The following CLEC16A variants were observed in gnomAD, a reference collection of about 807,000 sequenced individuals.
CLEC16A encodes protein CLEC16A.
A neutral mutation model predicts 109.5 loss-of-function variants in CLEC16A; 51 were observed. The ratio of observed to expected loss-of-function variants is 0.47; its 90% CI spans 0.37 to 0.59. The LOEUF is 0.59. Among genes scored for constraint, CLEC16A ranks in the 20% least tolerant of loss-of-function variants. CLEC16A has a pLI of 0.00. For missense variants in CLEC16A, 1,339 were observed against 1,394.0 expected (o/e 0.96, Z 0.63); for synonymous variants, 673 against 564.2 (o/e 1.19, Z -2.73).
chr16:11,166,596 C>A, intron 23 of CLEC16A, 44 bp downstream of exon 23: 3 of 1,511,240 alleles, frequency 2.0e-6, no homozygotes, highest in Non-Finnish European at 2.7e-6. Context: ...TTTGGAGAAC[C>A]CCGTGATCCC....
At chr16:11,080,842 C>A (rs1181405959) in intron 19 of CLEC16A, among the ~76,000 whole-genome samples, 1 of 152,208 alleles carries the variant, frequency 6.6e-6, no homozygotes, top group Non-Finnish European at 1.5e-5. Context: ...TTAGATTGGG[C>A]CTGTCCAGGT....
At chr16:11,177,780 TGAG>T (rs976442784) in intron 23 of CLEC16A, among the ~76,000 whole-genome samples, 219 of 151,424 alleles carry the variant, frequency 1.4e-3, no homozygotes, top group African/African-American at 5.2e-3. Flanking sequence ...CTCAGCACTT[TGAG>T]GAGGAGGAGG....
At chr16:11,065,063 T>A (rs1400358256) in intron 19 of CLEC16A, among the ~76,000 whole-genome samples, 2 of 152,172 alleles carry the variant, frequency 1.3e-5, no homozygotes, top group East Asian at 3.8e-4. Flanking sequence ...AAGAAAGATA[T>A]AGCTCTGGCT....
Position 10,962,541 on chromosome 16 carries a change from A to C in CLEC16A, c.296A>C (p.Gln99Pro). 6.2e-7 allele frequency: 1 copy of C among 1,613,960 alleles called. No homozygotes were observed. Among genetic ancestry groups the C allele is most frequent in the Non-Finnish European group, 8.5e-7 (1 of 1,179,864 alleles). ...SGRYVCVQLL[Q>P]TLNILFENIS... ...CGTTACGTGTGCGTTCAGCTGCTGCAGACCTTGAACATCCTCTTTGAGAAC... is the reference window on the plus strand; with the variant it reads ...CGTTACGTGTGCGTTCAGCTGCTGCCGACCTTGAACATCCTCTTTGAGAAC... The change falls in exon 3 of 24, where the codon CAG becomes CCG. Residue 99 changes from glutamine (Q) to proline (P), a missense_variant. Physicochemically the swap from Gln to Pro is moderately conservative, Grantham distance 76 (BLOSUM62 -1). Coordinates refer to ENST00000409790, the MANE Select transcript of CLEC16A (RefSeq NM_015226.3).
rs201591686 is a variant in CLEC16A at position 11,166,497 on chromosome 16, C to A, written c.2751C>A (p.Cys917Ter). 3 of 1,609,296 alleles carry A rather than the reference C, an allele frequency of 1.9e-6. No homozygotes were observed. Among genetic ancestry groups the A allele is most frequent in the Non-Finnish European group, 2.5e-6 (3 of 1,179,660 alleles). Residue 917 changes from cysteine (C) to a stop codon, truncating the protein, a stop_gained, in exon 23 of 24, where the codon TGC becomes TGA. Transcript: ENST00000409790. LOFTEE classifies it high-confidence loss of function. The part of the protein sequence containing the change: ...SPSGSGSTSH[C>*]DSGGTSSSST... ...GCGGCAGCGGGAGCACCAGCCACTGCGACTCTGGAGGCACCAGCTCGTCCT... is the reference window on the plus strand; with the variant it reads ...GCGGCAGCGGGAGCACCAGCCACTGAGACTCTGGAGGCACCAGCTCGTCCT...
At position 10,972,662 on chromosome 16, in the gene CLEC16A, C is replaced by T. The variant is rs919578578; in HGVS notation, c.604+103C>T. On this transcript the variant is annotated intron_variant, in intron 6 of 23. Coordinates refer to ENST00000409790, the MANE Select transcript of CLEC16A (RefSeq NM_015226.3). ...TCTCAGTGTAGTCTAGCTCAGTCTGCTACTGATAAGTAGGCTCTCCCATGC... is the reference window on the plus strand; with the variant it reads ...TCTCAGTGTAGTCTAGCTCAGTCTGTTACTGATAAGTAGGCTCTCCCATGC... 4 of 1,110,884 alleles carry T rather than the reference C, an allele frequency of 3.6e-6. No homozygotes were observed. The African/African-American group carries it at 6.2e-5, about 17-fold the overall frequency. The allele number at this position is 1,110,884 out of a possible 1,614,324, so 68.8% of individuals were successfully genotyped here. A position where few individuals can be genotyped will look rare whatever the true frequency, so the allele number is the denominator to read the frequency against.
chr16:11,138,934 G>A (rs2053695207), intron 22 of CLEC16A, among the ~76,000 whole-genome samples: 1 of 152,094 alleles, frequency 6.6e-6, no homozygotes, highest in African/African-American at 2.4e-5. Flanking sequence ...TAACCATGAA[G>A]TGAAAACAGA....
At chr16:11,136,432 G>A (rs1250682220) in intron 22 of CLEC16A, 2 of 152,140 alleles carry the variant, frequency 1.3e-5, no homozygotes, top group East Asian at 1.9e-4. Context: ...CATATAAAAC[G>A]TGCAGCAAAG....
chr16:10,957,284 C>A (rs1328542940), intron 1 of CLEC16A, among the ~76,000 whole-genome samples: 7 of 152,244 alleles, frequency 4.6e-5, no homozygotes, highest in African/African-American at 1.7e-4. Context: ...GGGACCCAGC[C>A]TTCCTAAGCT....
At chr16:11,012,838 C>T (rs1161067396) in intron 11 of CLEC16A, among the ~76,000 whole-genome samples, 1 of 152,122 alleles carries the variant, frequency 6.6e-6, no homozygotes, top group East Asian at 1.9e-4. Context: ...TATTGTCATG[C>T]ATTTGTATTA....
intron 11 of CLEC16A, among the ~76,000 whole-genome samples, chr16:11,013,381 C>A: frequency 6.6e-6 from 1 of 152,042 alleles, no homozygotes; most frequent in East Asian, 1.9e-4. Context: ...GTAATCCCAC[C>A]ACTTTGGGAG....
intron 2 of CLEC16A, among the ~76,000 whole-genome samples, chr16:10,960,454 A>G (rs1433973568): frequency 1.3e-5 from 2 of 152,214 alleles, no homozygotes; most frequent in Non-Finnish European, 1.5e-5. Flanking sequence ...GAAGAAAGCT[A>G]TAGGAGTAAA....
intron 22 of CLEC16A, among the ~76,000 whole-genome samples, chr16:11,130,656 A>T (rs1028271504): frequency 4.6e-5 from 7 of 152,214 alleles, no homozygotes; most frequent in African/African-American, 1.7e-4. Context: ...CACCATTGCC[A>T]TCAAGGGCCC....
chr16:11,040,154 A>G (rs534331916), intron 14 of CLEC16A: 48 of 391,268 alleles, frequency 1.2e-4, no homozygotes, highest in East Asian at 1.2e-3. Context: ...GAGATTGTCA[A>G]TGTTTTCGCC....
intron 1 of CLEC16A, among the ~76,000 whole-genome samples, chr16:10,952,503 A>G (rs1342741380): frequency 6.6e-6 from 1 of 152,236 alleles, no homozygotes; most frequent in Admixed American, 6.5e-5. Flanking sequence ...AGAAAATGAC[A>G]ACAACAACAA....
chr16:11,101,012 G>T (rs985198990), intron 19 of CLEC16A, among the ~76,000 whole-genome samples: 16 of 152,154 alleles, frequency 1.1e-4, no homozygotes, highest in Non-Finnish European at 2.9e-5. Context: ...TAGTACCTGG[G>T]ACTGTGCTTG....
At chr16:10,946,789 T>G (rs1349866368) in intron 1 of CLEC16A, among the ~76,000 whole-genome samples, 1 of 152,232 alleles carries the variant, frequency 6.6e-6, no homozygotes, top group Non-Finnish European at 1.5e-5. Context: ...TCCTCACAAG[T>G]CTGAGTTACA....
intron 19 of CLEC16A, among the ~76,000 whole-genome samples, chr16:11,112,392 G>T (rs1242539265): frequency 6.7e-6 from 1 of 150,118 alleles, no homozygotes; most frequent in Non-Finnish European, 1.5e-5. Context: ...AGGTGTGGTG[G>T]CTCACACCTA....
intron 22 of CLEC16A, chr16:11,149,783 T>C (rs2054220830): frequency 2.4e-5 from 2 of 84,262 alleles, no homozygotes; most frequent in Non-Finnish European, 4.7e-5. Flanking sequence ...AGTGAGACTG[T>C]CTTAAAAAAA....
Sources: allele counts gnomAD v4.1 joint callset (sites outside exome capture counted in the v4.1 genomes callset), GRCh38; gene constraint gnomAD v4.1.1; transcripts MANE v1.5; gene names NCBI Gene and HGNC (gene_info 2026-07-23, HGNC 2026-07-21).